The following LRRC37A2 variants were observed in gnomAD, a reference collection of about 807,000 sequenced individuals.
LRRC37A2 encodes the protein leucine-rich repeat-containing protein 37A2.
LRRC37A2 carries 9 observed loss-of-function variants against 68.8 expected under a neutral mutation model. The ratio of observed to expected loss-of-function variants is 0.13; its 90% CI spans 0.08 to 0.23. The LOEUF (loss-of-function observed/expected upper bound fraction) is 0.23. Ranked by LOEUF, LRRC37A2 falls within the 10% of genes least tolerant of loss-of-function variation. The pLI, the probability that LRRC37A2 is intolerant of heterozygous loss-of-function variation, is 1.00. For missense variants in LRRC37A2, 168 were observed against 950.4 expected (o/e 0.18, Z 10.82); for synonymous variants, 63 against 367.6 (o/e 0.17, Z 9.48).
At chr17:46,978,620 T>A in the LRRC37A2 span, 2 of 1,561,976 alleles carry the variant, frequency 1.3e-6, no homozygotes, top group East Asian at 2.5e-5. Context: ...GCAGCAGCGC[T>A]GGCGAGGGCG....
chr17:46,735,107 GAT>G, the LRRC37A2 span, among the ~76,000 whole-genome samples: 1 of 152,146 alleles, frequency 6.6e-6, no homozygotes. Context: ...CATTGCTACA[GAT>G]ATCTGCTGAA....
At chr17:46,494,483 T>C in the LRRC37A2 span, among the ~76,000 whole-genome samples, 8,111 of 130,470 alleles carry the variant, frequency 0.062, 3 homozygotes, top group Middle Eastern at 0.1. Flanking sequence ...TGTAAATGAA[T>C]GATAATGGCT....
the LRRC37A2 span, among the ~76,000 whole-genome samples, chr17:46,767,779 T>TTTTTG: frequency 6.6e-6 from 1 of 152,040 alleles, no homozygotes; most frequent in Admixed American, 6.5e-5. Flanking sequence ...TTTTGTTTTT[T>TTTTTG]TTTGTTTGTT....
the LRRC37A2 span, among the ~76,000 whole-genome samples, chr17:47,022,719 G>C: frequency 6.6e-6 from 1 of 152,156 alleles, no homozygotes; most frequent in Non-Finnish European, 1.5e-5. Context: ...ATATGCCTTA[G>C]ATTTCTTTCC....
the LRRC37A2 span, chr17:46,923,605 G>T: frequency 3.9e-6 from 5 of 1,270,312 alleles, no homozygotes; most frequent in Non-Finnish European, 5.0e-6. Context: ...CTGGCCGTAG[G>T]AGTGTACTGT....
the LRRC37A2 span, among the ~76,000 whole-genome samples, chr17:47,029,630 C>T: frequency 1.2e-3 from 189 of 152,360 alleles, 1 homozygote; most frequent in African/African-American, 4.2e-3. Flanking sequence ...TTAGGAAAAG[C>T]ACACTAAAGG....
At chr17:46,974,246 G>A in the LRRC37A2 span, among the ~76,000 whole-genome samples, 2 of 152,350 alleles carry the variant, frequency 1.3e-5, no homozygotes, top group Admixed American at 6.5e-5. Context: ...GCTGGCCAGG[G>A]CCAGACGCTA....
the LRRC37A2 span, chr17:46,851,840 A>C: frequency 4.4e-6 from 2 of 449,972 alleles, no homozygotes; most frequent in Non-Finnish European, 7.1e-6. This position sits in a 1 kb window ranked among gnomAD's most constrained non-coding sequence, Gnocchi z 4.3. Context: ...CTCAGACCCT[A>C]GCCCGGCGCG....
the LRRC37A2 span, among the ~76,000 whole-genome samples, chr17:46,841,082 G>C: frequency 2.0e-5 from 3 of 152,190 alleles, no homozygotes; most frequent in Non-Finnish European, 2.9e-5. Flanking sequence ...AGGTTGGAAG[G>C]CTTATCCCTA....
At chr17:46,722,198 G>A in the LRRC37A2 span, 1 of 1,584,004 alleles carries the variant, frequency 6.3e-7, no homozygotes, top group Non-Finnish European at 8.7e-7. Flanking sequence ...TGCAGCGCCT[G>A]CTTAGGAAGA....
the LRRC37A2 span, among the ~76,000 whole-genome samples, chr17:46,613,128 A>C: frequency 2.3e-5 from 1 of 44,218 alleles, no homozygotes; most frequent in South Asian, 1.0e-3. Context: ...AATTGTTTTA[A>C]TTACCTGGGT....
At chr17:46,385,016 A>T in the LRRC37A2 span, among the ~76,000 whole-genome samples, 1 of 41,458 alleles carries the variant, frequency 2.4e-5, no homozygotes, top group East Asian at 5.5e-4. Flanking sequence ...GTGGGTTTTT[A>T]AAAAAAATTG....
the LRRC37A2 span, among the ~76,000 whole-genome samples, chr17:46,595,514 G>A: frequency 1.3e-4 from 15 of 118,710 alleles, 2 homozygotes; most frequent in Admixed American, 8.9e-4. Flanking sequence ...TTTTTGAGAC[G>A]GAGTCTTGCT....
chr17:46,697,131 AT>A, the LRRC37A2 span, among the ~76,000 whole-genome samples: 37,463 of 146,348 alleles, frequency 0.26, 5,975 homozygotes, highest in Non-Finnish European at 0.33. Context: ...TTAAATCCTT[AT>A]CTTATTCACC....
At chr17:46,816,935 G>A in the LRRC37A2 span, among the ~76,000 whole-genome samples, 1 of 152,216 alleles carries the variant, frequency 6.6e-6, no homozygotes, top group East Asian at 1.9e-4. Flanking sequence ...CAGACTGGCC[G>A]AACCTCCTTC....
At chr17:46,690,611 C>CAAAAAA in the LRRC37A2 span, among the ~76,000 whole-genome samples, 4 of 91,796 alleles carry the variant, frequency 4.4e-5, no homozygotes, top group Non-Finnish European at 6.4e-5. Context: ...GACTCCGTCT[C>CAAAAAA]AAAAAAAAAA....
At chr17:46,690,625 AT>A in the LRRC37A2 span, among the ~76,000 whole-genome samples, 26 of 38,022 alleles carry the variant, frequency 6.8e-4, no homozygotes, top group Middle Eastern at 0.065. Context: ...AAAAAAAAAA[AT>A]ATATATATAT....
At chr17:46,954,828 T>C in the LRRC37A2 span, among the ~76,000 whole-genome samples, 1 of 152,122 alleles carries the variant, frequency 6.6e-6, no homozygotes, top group Non-Finnish European at 1.5e-5. Flanking sequence ...CTGTCTGTTA[T>C]TGGTGTATAA....
the LRRC37A2 span, among the ~76,000 whole-genome samples, chr17:46,804,634 G>A: frequency 6.6e-6 from 1 of 152,244 alleles, no homozygotes; most frequent in Non-Finnish European, 1.5e-5. Flanking sequence ...AGAACAAGTA[G>A]TTAAAGGTGA....
Sources: allele counts gnomAD v4.1 joint callset (sites outside exome capture counted in the v4.1 genomes callset), GRCh38; gene constraint gnomAD v4.1.1; non-coding constraint Gnocchi (gnomAD v3.1); transcripts MANE v1.5; gene names NCBI Gene and HGNC (gene_info 2026-07-23, HGNC 2026-07-21).